AFF3: variants seen among roughly 807,000 people sequenced by gnomAD.
The protein encoded by AFF3 is AF4/FMR2 family member 3.
AFF3 carries 32 observed loss-of-function variants against 129.7 expected under a neutral mutation model. The observed-to-expected ratio is 0.25, with a 90% CI of 0.19 to 0.33. The LOEUF is 0.33. AFF3 is among the 10% of genes least tolerant of loss of function. AFF3 has a pLI of 1.00. For synonymous variants in AFF3, 644 were observed against 635.4 expected, an observed-to-expected ratio of 1.01 and a Z score of -0.20; for missense variants, 1,373 against 1,592.0, an observed-to-expected ratio of 0.86 and a Z score of 2.34.
At chr2:99,885,575 T>C (rs1693052472) in intron 7 of AFF3, among the ~76,000 whole-genome samples, 1 of 152,162 alleles carries the variant, frequency 6.6e-6, no homozygotes, top group Non-Finnish European at 1.5e-5. Flanking sequence ...CCTAAATCTA[T>C]ATTTGTGCCC....
intron 4 of AFF3, among the ~76,000 whole-genome samples, chr2:100,016,666 T>C (rs1334142009): frequency 6.7e-6 from 1 of 149,598 alleles, no homozygotes; most frequent in Non-Finnish European, 1.5e-5. Flanking sequence ...GTGATGAAAG[T>C]GGTGATGGTA....
intron 8 of AFF3, among the ~76,000 whole-genome samples, chr2:99,764,767 CT>C (rs1429945352): frequency 6.6e-6 from 1 of 152,114 alleles, no homozygotes; most frequent in Non-Finnish European, 1.5e-5. Flanking sequence ...CTGAGTGACT[CT>C]TGTTAAACCC....
chr2:99,838,549 C>T (rs1308759428), intron 7 of AFF3, among the ~76,000 whole-genome samples: 1 of 152,200 alleles, frequency 6.6e-6, no homozygotes, highest in African/African-American at 2.4e-5. Context: ...GCCACCCTGA[C>T]CCTAGAGTGC....
In AFF3 at chr2:99,553,185, C is replaced by T. The variant is rs1434791227; in HGVS notation, c.3559+1126G>A. ...CTCCTGACCTCAGGCGATCCACTCA[C>T]CTCAGCCTCCCAAAATCTAAGTGCT... is the stretch of plus-strand genomic sequence containing the variant. On this transcript the variant is annotated intron_variant, in intron 24 of 24. Transcript: ENST00000672756. 5.9e-5 allele frequency among the ~76,000 whole-genome samples: 9 copies of T among 152,306 alleles called. No individual in the cohort carries two copies. The South Asian group carries it at 1.0e-3, about 18-fold the overall frequency.
At position 100,011,257 on chromosome 2, in the gene AFF3, A is replaced by G. The variant is rs558711775; in HGVS notation, c.54-2325T>C. ...CCACTGCACTCCAGCCTGGGCGACA[A>G]AGCGAGACTCCCTCTCAAAAGAAAA... On this transcript the variant is annotated intron_variant, in intron 4 of 24. Coordinates refer to ENST00000672756, the MANE Select transcript of AFF3 (RefSeq NM_001386135.1). Among the ~76,000 whole-genome samples the G allele has an allele frequency of 9.2e-5, 14 of 152,210 alleles. No homozygotes were observed. The Middle Eastern group carries it at 0.01, about 111-fold the overall frequency.
chr2:99,768,412 T>C (rs1683192408), intron 8 of AFF3, among the ~76,000 whole-genome samples: 1 of 152,158 alleles, frequency 6.6e-6, no homozygotes, highest in South Asian at 2.1e-4. Flanking sequence ...TACTGTTTGG[T>C]GATATACTCT....
In AFF3 at chr2:99,597,771, G is replaced by A. The variant is rs961020047; in HGVS notation, c.1372-3482C>T. 1.4e-4 allele frequency among the ~76,000 whole-genome samples: 22 copies of A among 152,244 alleles called. 1 individual carries two copies. The highest frequency in any genetic ancestry group is 4.4e-5 in the Non-Finnish European group (3 of 68,042). The stretch of plus-strand genomic sequence containing the variant: ...CTGGCCACAGTCCGCCTCCTGAGCC[G>A]TCCATCCGGGGTTTCTGCCCAAGGT... On this transcript the variant is annotated intron_variant, in intron 14 of 24. Transcript: ENST00000672756.
intron 12 of AFF3, among the ~76,000 whole-genome samples, chr2:99,657,503 G>C (rs1043642008): frequency 2.6e-5 from 4 of 152,152 alleles, no homozygotes; most frequent in Non-Finnish European, 5.9e-5. Flanking sequence ...CCACCTAAAA[G>C]AGCTCTCTCT....
intron 12 of AFF3, among the ~76,000 whole-genome samples, chr2:99,664,634 C>T (rs963365273): frequency 1.3e-5 from 2 of 152,144 alleles, no homozygotes; most frequent in African/African-American, 4.8e-5. Context: ...GGACAGAACT[C>T]ATTTGAAAAA....
intron 4 of AFF3, among the ~76,000 whole-genome samples, chr2:100,061,018 T>C (rs1223447715): frequency 6.6e-6 from 1 of 152,204 alleles, no homozygotes; most frequent in Non-Finnish European, 1.5e-5. Context: ...TGACTGATGC[T>C]TTTCTCACTC....
At chr2:99,643,364 G>C (rs536123368) in intron 13 of AFF3, among the ~76,000 whole-genome samples, 3 of 152,068 alleles carry the variant, frequency 2.0e-5, no homozygotes, top group East Asian at 1.9e-4. Context: ...AGCCCTAAAA[G>C]ACTTCTTTAT....
chr2:99,730,706 G>T (rs1482285656), intron 10 of AFF3, among the ~76,000 whole-genome samples: 1 of 151,764 alleles, frequency 6.6e-6, no homozygotes, highest in Non-Finnish European at 1.5e-5. Flanking sequence ...GTAGAGACGA[G>T]GTTTCACCAT....
intron 18 of AFF3, among the ~76,000 whole-genome samples, chr2:99,571,111 C>T (rs141417629): frequency 1.2e-4 from 19 of 152,242 alleles, no homozygotes; most frequent in Non-Finnish European, 2.4e-4. Flanking sequence ...TTTTGGCACA[C>T]GGTAGAAGGT....
chr2:99,727,973 A>G lies in AFF3; in HGVS notation c.1040-845T>C, dbSNP rs190995924. ...GCAGGTTTTGGGGCCCCTAGCTTAA[A>G]GCAGAATGAGATGTAAACCAGAAAT... On this transcript the variant is annotated intron_variant, in intron 10 of 24. Coordinates refer to ENST00000672756, the MANE Select transcript of AFF3 (RefSeq NM_001386135.1). Among the ~76,000 whole-genome samples, 278 of 152,316 alleles carry G rather than the reference A, an allele frequency of 1.8e-3. 2 individuals carry two copies. The highest frequency in any genetic ancestry group is 6.5e-3 in the African/African-American group (269 of 41,584).
At chr2:99,673,966 T>C (rs779664505) in intron 11 of AFF3, among the ~76,000 whole-genome samples, 3 of 152,212 alleles carry the variant, frequency 2.0e-5, no homozygotes, top group Non-Finnish European at 4.4e-5. Context: ...TTAGATTCCG[T>C]TGTGAGTCTA....
At position 99,716,776 on chromosome 2, in the gene AFF3, G is replaced by C. The variant is rs533648336; in HGVS notation, c.1091+10301C>G. On this transcript the variant is annotated intron_variant, in intron 11 of 24. Coordinates refer to ENST00000672756, the MANE Select transcript of AFF3 (RefSeq NM_001386135.1). ...CTTCCCTGTAATCGCAGCTACTTTG[G>C]GGGGGCTGAGGCAGGAGAATCGTTT... 1.6e-4 allele frequency among the ~76,000 whole-genome samples: 24 copies of C among 151,952 alleles called. No homozygotes were observed. The South Asian group carries it at 2.5e-3, about 16-fold the overall frequency.
intron 1 of AFF3, among the ~76,000 whole-genome samples, chr2:100,129,728 G>A (rs566610554): frequency 6.6e-5 from 10 of 152,224 alleles, no homozygotes; most frequent in Admixed American, 3.9e-4. Flanking sequence ...CATGTTCCCG[G>A]AACTCTAAAT....
At chr2:99,660,490 T>C (rs981294558) in intron 12 of AFF3, among the ~76,000 whole-genome samples, 13 of 152,256 alleles carry the variant, frequency 8.5e-5, no homozygotes, top group Non-Finnish European at 1.9e-4. Flanking sequence ...GAACCAGTTC[T>C]GAATGTGTTA....
intron 13 of AFF3, 81 bp from the exon 14 acceptor site, chr2:99,601,702 G>T: frequency 1.3e-6 from 2 of 1,493,164 alleles, no homozygotes; most frequent in Non-Finnish European, 1.8e-6. Flanking sequence ...AAGCTGTCAT[G>T]CACCCTAAAG....
Sources: gnomAD v4.1 joint callset for allele counts (sites outside exome capture counted in the v4.1 genomes callset) on GRCh38, gnomAD v4.1.1 for gene constraint, MANE v1.5 for transcripts, NCBI Gene and HGNC (gene_info 2026-07-23, HGNC 2026-07-21) for gene names.